The following SPEF2 variants were observed in gnomAD, a reference collection of about 807,000 sequenced individuals.
SPEF2 encodes sperm flagellar and cilia associated 2, also known as sperm flagella and cilia-associated protein 2.
In SPEF2, 187 loss-of-function variants were observed where a neutral mutation model predicts 224.6. The observed-to-expected ratio is 0.83, with a 90% CI of 0.74 to 0.94. The LOEUF is 0.94. Ranked by LOEUF, SPEF2 falls within the 40% of genes least tolerant of loss-of-function variation. SPEF2 has a pLI of 0.00. For missense variants in SPEF2, 2,170 were observed against 2,135.6 expected (o/e 1.02, Z -0.32); for synonymous variants, 715 against 707.3 (o/e 1.01, Z -0.17).
chr5:35,807,091 T>C (rs550850980), intron 35 of SPEF2, 40 bp from the exon 36 acceptor site: 1 of 1,594,698 alleles, frequency 6.3e-7, no homozygotes, highest in South Asian at 1.2e-5. Context: ...ATCTACTGGA[T>C]TGTGAGGTTG....
At chr5:35,770,611 T>G (rs1181248027) in intron 26 of SPEF2, among the ~76,000 whole-genome samples, 1 of 151,980 alleles carries the variant, frequency 6.6e-6, no homozygotes, top group Non-Finnish European at 1.5e-5. Flanking sequence ...TCATGCAGTA[T>G]TTGCCTTTCT....
At chr5:35,660,229 A>T (rs1007996831) in intron 8 of SPEF2, among the ~76,000 whole-genome samples, 1 of 152,012 alleles carries the variant, frequency 6.6e-6, no homozygotes, top group East Asian at 1.9e-4. Flanking sequence ...CCTATTGGGG[A>T]TGTTTCAGAT....
chr5:35,805,780 A>G (rs1757977881), intron 34 of SPEF2, among the ~76,000 whole-genome samples: 1 of 152,172 alleles, frequency 6.6e-6, no homozygotes, highest in Non-Finnish European at 1.5e-5. Flanking sequence ...GAATAGATAT[A>G]TAAGCAAACT....
At chr5:35,646,542 T>C (rs959875760) in intron 4 of SPEF2, 125 bp from the exon 5 acceptor site, 1 of 848,614 alleles carries the variant, frequency 1.2e-6, no homozygotes, top group Admixed American at 2.7e-5. Flanking sequence ...ACACCTAGTC[T>C]CTTGGCTAAT....
intron 2 of SPEF2, among the ~76,000 whole-genome samples, chr5:35,637,541 G>A (rs963562232): frequency 1.3e-5 from 2 of 152,212 alleles, no homozygotes; most frequent in Admixed American, 1.3e-4. Context: ...TCATAATCCA[G>A]ATTATCCTAG....
chr5:35,654,439 C>A, intron 6 of SPEF2, 101 bp from the exon 7 acceptor site: 1 of 921,676 alleles, frequency 1.1e-6, no homozygotes, highest in Non-Finnish European at 1.5e-6. Flanking sequence ...TAACAGTGAA[C>A]TCAAGGGATC....
intron 25 of SPEF2, among the ~76,000 whole-genome samples, chr5:35,761,314 G>C (rs1240012185): frequency 6.6e-6 from 1 of 152,118 alleles, no homozygotes; most frequent in Non-Finnish European, 1.5e-5. Context: ...TGTAAAGGAG[G>C]GTTGTTGTGA....
Position 35,667,130 on chromosome 5 carries a change from T to C in SPEF2, c.1226T>C (p.Phe409Ser). Residue 409 changes from phenylalanine (F) to serine (S), a missense_variant, in exon 9 of 37, where the codon TTT becomes TCT. By Grantham distance (155) the Phe-to-Ser change is radical (BLOSUM62 -2). Transcript: ENST00000356031. Reference sequence around the variant, plus strand: ...GAACAATTCCTTAAAGAAAAGAGATTTCATGATCAGATTGCTGTGGAAAGA... The same window carrying C: ...GAACAATTCCTTAAAGAAAAGAGATCTCATGATCAGATTGCTGTGGAAAGA... ...FEEQFLKEKR[F>S]HDQIAVERAQ... The C allele has an allele frequency of 1.2e-6, 2 of 1,611,198 alleles. No individual in the cohort carries two copies. The highest frequency in any genetic ancestry group is 2.2e-5 in the East Asian group (1 of 44,752).
chr5:35,793,289 A>C lies in SPEF2; in HGVS notation c.4685A>C (p.Lys1562Thr), dbSNP rs1184480895. ...EELLETLQKF[K>T]AVDKEQLGTI... ...CTCCTTGAGACCCTTCAGAAGTTCA[A>C]GGCTGTGGATAAGGAGCAGTTGGGC... Residue 1562 changes from lysine (K) to threonine (T), a missense_variant, in exon 32 of 37, where the codon AAG becomes ACG. Transcript: ENST00000356031. 6.2e-7 allele frequency: 1 copy of C among 1,614,064 alleles called. No individual in the cohort carries two copies. Among genetic ancestry groups the C allele is most frequent in the Non-Finnish European group, 8.5e-7 (1 of 1,180,034 alleles).
intron 23 of SPEF2, among the ~76,000 whole-genome samples, chr5:35,744,128 A>T (rs536061171): frequency 6.6e-6 from 1 of 152,270 alleles, no homozygotes; most frequent in East Asian, 1.9e-4. Context: ...TTCCACACTG[A>T]CCTTTTTGTG....
intron 36 of SPEF2, among the ~76,000 whole-genome samples, chr5:35,808,864 A>G (rs1758363968): frequency 6.8e-6 from 1 of 146,632 alleles, no homozygotes; most frequent in South Asian, 2.1e-4. Flanking sequence ...ATATATATGT[A>G]AAAAAATTGG....
chr5:35,712,642 T>C (rs535360724), intron 19 of SPEF2, among the ~76,000 whole-genome samples, 170 bp from the exon 20 acceptor site: 116 of 152,368 alleles, frequency 7.6e-4, no homozygotes, highest in African/African-American at 2.5e-3. Context: ...TTTCAACCCA[T>C]AGTCTGTCTT....
rs2149546381 is a variant in SPEF2, at chr5:35,695,738, C to G, written c.1979C>G (p.Ala660Gly). ...PETEGETMLS[A>G]NADKTPKAEE... ...TTACCACTTTTCCTATTGCTAGGTG[C>G]TAATGCTGATAAAACACCAAAAGCT... Residue 660 changes from alanine to glycine, a missense_variant, in exon 14 of 37, where the codon GCT becomes GGT. By Grantham distance (60) the Ala-to-Gly change is moderately conservative. Transcript: ENST00000356031. 6.2e-7 allele frequency: 1 copy of G among 1,609,204 alleles called. No individual in the cohort carries two copies. Among genetic ancestry groups the G allele is most frequent in the Non-Finnish European group, 8.5e-7 (1 of 1,177,630 alleles).
intron 30 of SPEF2, among the ~76,000 whole-genome samples, chr5:35,787,007 T>C (rs564769455): frequency 6.6e-6 from 1 of 152,332 alleles, no homozygotes; most frequent in East Asian, 1.9e-4. Flanking sequence ...ATTAGTAGCA[T>C]CAAAGAATGT....
rs781769950 is a variant in SPEF2 at position 35,762,103 on chromosome 5, CT to C, written c.3621-1418del. On this transcript the variant is annotated intron_variant, in intron 25 of 36. Transcript: ENST00000356031. ...AGATTATTCACAATGATAGTAATAA[CT>C]CTTAGTTAATAATGAATACTTATCA... 7.9e-5 allele frequency among the ~76,000 whole-genome samples: 12 copies of C among 152,054 alleles called. No homozygotes were observed. In the East Asian group the frequency reaches 9.6e-4, roughly 12 times the overall value.
chr5:35,793,122 T>C (rs781000796), intron 31 of SPEF2, 37 bp from the exon 32 acceptor site: 1 of 1,574,928 alleles, frequency 6.3e-7, no homozygotes. Context: ...GATAGATTCA[T>C]GTAGATATTC....
At chr5:35,806,566 C>T in intron 34 of SPEF2, 141 bp from the exon 35 acceptor site, 1 of 1,031,842 alleles carries the variant, frequency 9.7e-7, no homozygotes, top group Non-Finnish European at 1.4e-6. Context: ...AGTGTATTCT[C>T]CTCTAGACTG....
chr5:35,661,763 T>G (rs182628415), intron 8 of SPEF2, among the ~76,000 whole-genome samples: 195 of 152,326 alleles, frequency 1.3e-3, no homozygotes, highest in Middle Eastern at 3.4e-3. Flanking sequence ...ATCTCATTGC[T>G]TTTTATGGCT....
chr5:35,634,584 C>A (rs1224707406), intron 2 of SPEF2, among the ~76,000 whole-genome samples: 2 of 152,006 alleles, frequency 1.3e-5, no homozygotes, highest in East Asian at 1.9e-4. Context: ...TCCAAAGATT[C>A]TTTTTGTCCC....
Sources: gnomAD v4.1 joint callset for allele counts (sites outside exome capture counted in the v4.1 genomes callset) on GRCh38, gnomAD v4.1.1 for gene constraint, MANE v1.5 for transcripts, NCBI Gene and HGNC (gene_info 2026-07-23, HGNC 2026-07-21) for gene names.